STAM: variants seen among roughly 807,000 people sequenced by gnomAD.
STAM encodes signal transducing adaptor molecule.
Under a neutral mutation model 63.4 loss-of-function variants are expected in STAM, and 16 were observed. The observed-to-expected ratio is 0.25, with a 90% CI of 0.17 to 0.38. STAM has a LOEUF of 0.38. Among genes scored for constraint, STAM ranks in the 10% least tolerant of loss-of-function variants. STAM has a pLI of 1.00. For synonymous variants in STAM, 238 were observed against 223.9 expected (o/e 1.06, Z -0.56); for missense variants, 636 against 657.1 (o/e 0.97, Z 0.35).
Position 17,714,933 on chromosome 10 carries a change from AT to A in STAM, c.*156del. ...ATTCAAGAAGGTAGAACTCTCCTCA[AT>A]TTACACTGACTTTTTAGAGGTTCTT... On this transcript the variant is annotated 3_prime_UTR_variant, in exon 14 of 14. Transcript: ENST00000377524. The A allele has an allele frequency of 1.4e-6, 1 of 721,750 alleles. No homozygotes were observed. Among genetic ancestry groups the A allele is most frequent in the Non-Finnish European group, 2.3e-6 (1 of 435,682 alleles). The allele number at this position is 721,750 out of a possible 1,614,324, so 44.7% of individuals were successfully genotyped here.
intron 2 of STAM, among the ~76,000 whole-genome samples, chr10:17,662,584 G>C (rs539885691): frequency 2.0e-5 from 3 of 152,302 alleles, no homozygotes; most frequent in African/African-American, 7.2e-5. Flanking sequence ...GTTGCACATG[G>C]GAAAGAAGCA....
chr10:17,648,664 T>C (rs187701839), intron 1 of STAM, among the ~76,000 whole-genome samples: 34 of 152,300 alleles, frequency 2.2e-4, no homozygotes, highest in African/African-American at 7.7e-4. Flanking sequence ...CTTACCTTAC[T>C]TCAGTCATTG....
intron 8 of STAM, among the ~76,000 whole-genome samples, chr10:17,699,785 A>C (rs1554828119): frequency 6.6e-6 from 1 of 152,104 alleles, no homozygotes; most frequent in African/African-American, 2.4e-5. Flanking sequence ...TTTTCTACCA[A>C]ATGAGATTTT....
chr10:17,687,810 A>G (rs1176158489), intron 4 of STAM, among the ~76,000 whole-genome samples: 2 of 152,174 alleles, frequency 1.3e-5, no homozygotes, highest in African/African-American at 2.4e-5. Context: ...AAATCTTATT[A>G]CCTATTTAAT....
At chr10:17,664,316 G>A (rs1834291402) in intron 2 of STAM, among the ~76,000 whole-genome samples, 1 of 152,010 alleles carries the variant, frequency 6.6e-6, no homozygotes, top group Non-Finnish European at 1.5e-5. Context: ...CTATTTTAAA[G>A]TGTTCACTTT....
At chr10:17,703,319 G>C (rs2131679197) in intron 9 of STAM, among the ~76,000 whole-genome samples, 1 of 149,766 alleles carries the variant, frequency 6.7e-6, no homozygotes, top group South Asian at 2.1e-4. Context: ...GAATTATTTT[G>C]ACTTGGGAAG....
chr10:17,694,787 C>A, intron 6 of STAM: 1 of 300,718 alleles, frequency 3.3e-6, no homozygotes, highest in Non-Finnish European at 6.0e-6. Context: ...TTTTTATTAC[C>A]CAGAATAATT....
intron 2 of STAM, among the ~76,000 whole-genome samples, chr10:17,684,047 C>T (rs1241279483): frequency 6.6e-6 from 1 of 152,206 alleles, no homozygotes; most frequent in African/African-American, 2.4e-5. Flanking sequence ...TCAATAGATG[C>T]TTCACTGTGG....
rs569866400 is a variant in STAM, at chr10:17,663,508, T to C, written c.125+2960T>C. Among the ~76,000 whole-genome samples the C allele has an allele frequency of 1.1e-4, 16 of 152,224 alleles. No homozygotes were observed. The East Asian group carries it at 3.1e-3, about 29-fold the overall frequency. On this transcript the variant is annotated intron_variant, in intron 2 of 13. Transcript: ENST00000377524. Reference sequence around the variant, plus strand: ...GAATTCGATAATGAAGGTGGATCTGTTTGTTCTTTTAGTCAGTGTTTTTTC... The same window carrying C: ...GAATTCGATAATGAAGGTGGATCTGCTTGTTCTTTTAGTCAGTGTTTTTTC...
At chr10:17,693,199 A>T in intron 5 of STAM, 23 bp from the exon 6 acceptor site, 1 of 1,608,390 alleles carries the variant, frequency 6.2e-7, no homozygotes, top group Non-Finnish European at 8.5e-7. Context: ...ACCCTCAAAT[A>T]CTGTGTTCCT....
chr10:17,665,505 C>T (rs1372990252), intron 2 of STAM, among the ~76,000 whole-genome samples: 1 of 151,928 alleles, frequency 6.6e-6, no homozygotes, highest in Non-Finnish European at 1.5e-5. Context: ...TGTATATATT[C>T]TTCTGCATTT....
intron 2 of STAM, among the ~76,000 whole-genome samples, chr10:17,680,630 C>G (rs1375315724): frequency 6.6e-6 from 1 of 152,136 alleles, no homozygotes; most frequent in Non-Finnish European, 1.5e-5. Flanking sequence ...TGGTCTCACA[C>G]TCCTTGGCTG....
chr10:17,682,921 T>C (rs1835145867), intron 2 of STAM, among the ~76,000 whole-genome samples: 1 of 152,214 alleles, frequency 6.6e-6, no homozygotes, highest in Non-Finnish European at 1.5e-5. Context: ...TATTTTTGTG[T>C]TCATGCACAT....
intron 1 of STAM, among the ~76,000 whole-genome samples, chr10:17,650,206 T>C (rs1393882652): frequency 1.3e-5 from 2 of 152,214 alleles, no homozygotes; most frequent in African/African-American, 4.8e-5. Context: ...GCTTTGGGCT[T>C]AAATTGCACC....
intron 1 of STAM, among the ~76,000 whole-genome samples, chr10:17,646,222 A>C (rs1554820819): frequency 6.6e-6 from 1 of 152,208 alleles, no homozygotes; most frequent in African/African-American, 2.4e-5. Context: ...GGTTTGGGCC[A>C]GGTAAATATC....
chr10:17,692,406 G>C (rs536661493), intron 5 of STAM, among the ~76,000 whole-genome samples: 1 of 152,156 alleles, frequency 6.6e-6, no homozygotes. Context: ...AGCCATAGGG[G>C]GAGAACGTTG....
At chr10:17,684,274 T>G (rs912971448) in intron 2 of STAM, among the ~76,000 whole-genome samples, 6 of 152,244 alleles carry the variant, frequency 3.9e-5, no homozygotes, top group African/African-American at 7.2e-5. Flanking sequence ...CAGTACTGCC[T>G]GTGGCCTCAT....
chr10:17,701,157 T>G (rs1835978100), intron 9 of STAM, among the ~76,000 whole-genome samples: 1 of 152,190 alleles, frequency 6.6e-6, no homozygotes, highest in African/African-American at 2.4e-5. Flanking sequence ...TGAGATTTCT[T>G]GAATTAAGTT....
intron 2 of STAM, among the ~76,000 whole-genome samples, chr10:17,661,968 T>A (rs138843963): frequency 3.7e-4 from 56 of 152,318 alleles, no homozygotes; most frequent in African/African-American, 1.2e-3. Context: ...TAATTGAAAA[T>A]TTTTAACTAC....
Sources: allele counts gnomAD v4.1 joint callset (sites outside exome capture counted in the v4.1 genomes callset), GRCh38; gene constraint gnomAD v4.1.1; transcripts MANE v1.5; gene names NCBI Gene and HGNC (gene_info 2026-07-23, HGNC 2026-07-21).